Variants in DNAAF5 observed in about 807,000 individuals in gnomAD.
The protein encoded by DNAAF5 is dynein axonemal assembly factor 5, also known as HEAT repeat containing 2.
DNAAF5 carries 64 observed loss-of-function variants against 75.8 expected under a neutral mutation model. That is an observed-to-expected ratio of 0.84 (90% CI 0.69 to 1.04). The LOEUF (loss-of-function observed/expected upper bound fraction) is 1.04. Among genes scored for constraint, DNAAF5 ranks in the 50% least tolerant of loss-of-function variants. The pLI, the probability that DNAAF5 is intolerant of heterozygous loss-of-function variation, is 0.00. For missense variants in DNAAF5, 1,269 were observed against 1,178.5 expected, an observed-to-expected ratio of 1.08 and a Z score of -1.12; for synonymous variants, 657 against 557.2, an observed-to-expected ratio of 1.18 and a Z score of -2.52.
intron 2 of DNAAF5, among the ~76,000 whole-genome samples, chr7:736,564 G>A (rs1266898487): frequency 3.3e-5 from 5 of 151,888 alleles, no homozygotes; most frequent in East Asian, 1.9e-4. Context: ...ATCTTTTTTC[G>A]CATCCCTTTA....
In DNAAF5 at chr7:779,939, C is replaced by G; in HGVS notation, c.2240-14C>G. On this transcript the variant is annotated splice_polypyrimidine_tract_variant and intron_variant, in intron 11 of 12. Coordinates refer to ENST00000297440, the MANE Select transcript of DNAAF5 (RefSeq NM_017802.4). ...GCTCTAGACTCACACACCTGTCTCG[C>G]TCCCTCCTTCCAGAACTCTTAAAAC... 6.2e-7 allele frequency: 1 copy of G among 1,612,048 alleles called. No individual in the cohort carries two copies. The highest frequency in any genetic ancestry group is 2.2e-5 in the East Asian group (1 of 44,882).
At chr7:733,572 C>T (rs577728018) in intron 2 of DNAAF5, among the ~76,000 whole-genome samples, 1 of 152,160 alleles carries the variant, frequency 6.6e-6, no homozygotes, top group Non-Finnish European at 1.5e-5. Context: ...TCTCTGCTTA[C>T]TGCAAGCTCC....
chr7:749,868 T>C (rs1782235195), intron 4 of DNAAF5, among the ~76,000 whole-genome samples: 2 of 152,096 alleles, frequency 1.3e-5, no homozygotes, highest in African/African-American at 2.4e-5. Context: ...CTGGATAATT[T>C]TTGTGTTTTT....
At chr7:781,918 A>C (rs754604553) in intron 12 of DNAAF5, among the ~76,000 whole-genome samples, 4 of 152,220 alleles carry the variant, frequency 2.6e-5, no homozygotes, top group Non-Finnish European at 5.9e-5. Flanking sequence ...TCTAAGATAC[A>C]GTCTCCCATC....
rs62432869 is a variant in DNAAF5 at position 774,013 on chromosome 7, G to A, written c.1932-35G>A. 983,376 of 1,611,684 alleles carry A rather than the reference G, an allele frequency of 0.61. 300,987 individuals carry two copies. The highest frequency in any genetic ancestry group is 0.65 in the South Asian group (58,884 of 91,040). ...AAACGTTTCTTCCGAGCACCTGTCC[G>A]GTCTCCTCATCCACCCTCTCCGTTC... is the stretch of plus-strand genomic sequence containing the variant. On this transcript the variant is annotated intron_variant, in intron 9 of 12. Transcript: ENST00000297440.
chr7:732,228 C>T (rs1035517006), intron 2 of DNAAF5, among the ~76,000 whole-genome samples: 5 of 152,236 alleles, frequency 3.3e-5, no homozygotes, highest in Admixed American at 1.3e-4. Context: ...TGTCCCAGTG[C>T]GGCAGGGGCT....
At chr7:780,218 C>T (rs1017070132) in intron 12 of DNAAF5, 74 bp downstream of exon 12, 47 of 1,432,716 alleles carry the variant, frequency 3.3e-5, no homozygotes, top group Admixed American at 5.7e-5. Context: ...GTAGCTGAGC[C>T]GTGTGACCGG....
At position 729,850 on chromosome 7, in the gene DNAAF5, A is replaced by G; in HGVS notation, c.780+3A>G. 1.2e-6 allele frequency: 2 copies of G among 1,614,016 alleles called. No homozygotes were observed. The highest frequency in any genetic ancestry group is 1.7e-6 in the Non-Finnish European group (2 of 1,179,930). On this transcript the variant is annotated splice_donor_region_variant and intron_variant, in intron 2 of 12. Transcript: ENST00000297440. Reference sequence around the variant, plus strand: ...GACTGTTTGATGACGTCCCGCAGGTAACTGGTGTTTCTCCTGGACAGTCTG... The same window carrying G: ...GACTGTTTGATGACGTCCCGCAGGTGACTGGTGTTTCTCCTGGACAGTCTG...
chr7:744,535 C>A (rs1295737836), intron 4 of DNAAF5, among the ~76,000 whole-genome samples: 1 of 151,620 alleles, frequency 6.6e-6, no homozygotes, highest in Non-Finnish European at 1.5e-5. Flanking sequence ...TTTATGCAGC[C>A]AAAAAACACA....
At chr7:759,055 G>C (rs1782568002) in intron 6 of DNAAF5, among the ~76,000 whole-genome samples, 1 of 152,188 alleles carries the variant, frequency 6.6e-6, no homozygotes, top group African/African-American at 2.4e-5. Context: ...GTCAGAATCA[G>C]GCCCGTGGTT....
In DNAAF5 at chr7:730,671, G is replaced by C. The variant is rs1195133538; in HGVS notation, c.780+824G>C. 5.3e-5 allele frequency among the ~76,000 whole-genome samples: 8 copies of C among 152,322 alleles called. No homozygotes were observed. In the East Asian group the frequency reaches 1.5e-3, roughly 29 times the overall value. On this transcript the variant is annotated intron_variant, in intron 2 of 12. Transcript: ENST00000297440. ...TAGGGCCGGCTCCAGGTGTGACATA[G>C]CACCTGCTCAGGACACCCCTGCTTT... is the stretch of plus-strand genomic sequence containing the variant.
intron 8 of DNAAF5, among the ~76,000 whole-genome samples, chr7:765,271 A>G (rs1008012834): frequency 2.1e-4 from 32 of 152,132 alleles, no homozygotes; most frequent in African/African-American, 6.3e-4. Context: ...ACCCCGTTTC[A>G]CAGACAAGGA....
rs563633198 is a variant in DNAAF5 at position 780,138 on chromosome 7, A to G, written c.2425A>G (p.Ile809Val). The G allele has an allele frequency of 3.2e-5, 52 of 1,613,282 alleles. No individual in the cohort carries two copies. Among genetic ancestry groups the G allele is most frequent in the African/African-American group, 1.6e-4 (12 of 74,854 alleles). ...DDPERAIQDA[I>V]LEVLKEGSGL... ...TCCAGAGAGGGCCATCCAGGATGCA[A>G]TTTTAGGTGAGACTCCGACGGCTTG... The change falls in exon 12 of 13, where the codon ATT becomes GTT. Residue 809 changes from isoleucine to valine, a missense_variant. Coordinates refer to ENST00000297440, the MANE Select transcript of DNAAF5 (RefSeq NM_017802.4).
chr7:775,914 C>CT (rs955795290), intron 11 of DNAAF5, among the ~76,000 whole-genome samples: 19 of 152,096 alleles, frequency 1.2e-4, no homozygotes, highest in African/African-American at 2.4e-5. Flanking sequence ...AATACTATGC[C>CT]TTTTTTTATC....
intron 8 of DNAAF5, among the ~76,000 whole-genome samples, chr7:766,637 G>C (rs1203895343): frequency 6.6e-6 from 1 of 152,168 alleles, no homozygotes; most frequent in Non-Finnish European, 1.5e-5. Context: ...TTAAGAGTTG[G>C]GCACGGTGGC....
intron 9 of DNAAF5, 136 bp downstream of exon 9, chr7:770,754 C>G: frequency 1.3e-6 from 1 of 792,972 alleles, no homozygotes; most frequent in South Asian, 2.0e-5. Flanking sequence ...AGGGGTTCCC[C>G]ATCTCCCTCC....
At chr7:760,225 T>G (rs1782603592) in intron 6 of DNAAF5, among the ~76,000 whole-genome samples, 1 of 152,314 alleles carries the variant, frequency 6.6e-6, no homozygotes, top group South Asian at 2.1e-4. Context: ...GTGTTTTGTT[T>G]AGTCTTCCAT....
intron 4 of DNAAF5, among the ~76,000 whole-genome samples, chr7:747,188 C>G (rs1209589962): frequency 6.6e-6 from 1 of 152,252 alleles, no homozygotes; most frequent in Non-Finnish European, 1.5e-5. Context: ...GTTAGAAACT[C>G]ACCACACACT....
chr7:740,792 A>G, intron 2 of DNAAF5, 27 bp from the exon 3 acceptor site: 1 of 1,612,126 alleles, frequency 6.2e-7, no homozygotes, highest in African/African-American at 1.3e-5. Context: ...GCCTACACGA[A>G]TCCTTATCCC....
Sources: gnomAD v4.1 joint callset for allele counts (sites outside exome capture counted in the v4.1 genomes callset) on GRCh38, gnomAD v4.1.1 for gene constraint, MANE v1.5 for transcripts, NCBI Gene and HGNC (gene_info 2026-07-23, HGNC 2026-07-21) for gene names.